The following PGPEP1 variants were observed in gnomAD, a reference collection of about 807,000 sequenced individuals.
The protein encoded by PGPEP1 is pyroglutamyl-peptidase 1.
In PGPEP1, 15 loss-of-function variants were observed where a neutral mutation model predicts 24.1. The ratio of observed to expected loss-of-function variants is 0.62; its 90% confidence interval spans 0.42 to 0.96. The LOEUF (loss-of-function observed/expected upper bound fraction) is 0.96. Ranked by LOEUF, PGPEP1 falls within the 40% of genes least tolerant of loss-of-function variation. PGPEP1 has a pLI of 0.00. For missense variants in PGPEP1, 242 were observed against 273.4 expected, an observed-to-expected ratio of 0.89 and a Z score of 0.81; for synonymous variants, 122 against 116.4, an observed-to-expected ratio of 1.05 and a Z score of -0.31.
chr19:18,351,095 A>T (rs913908814), intron 2 of PGPEP1, among the ~76,000 whole-genome samples: 6 of 152,026 alleles, frequency 3.9e-5, no homozygotes, highest in African/African-American at 1.4e-4. Context: ...AACATGGTGA[A>T]ACCCCGTCTC....
chr19:18,363,374 C>G lies in PGPEP1; in HGVS notation c.438-17C>G. The G allele has an allele frequency of 6.3e-7, 1 of 1,596,116 alleles. No individual in the cohort carries two copies. Among genetic ancestry groups the G allele is most frequent in the Non-Finnish European group, 8.6e-7 (1 of 1,165,096 alleles). ...CCGTTTTGGTCTCTCTCTTACCCGCCACGCCCTGCGGCTTAGATATCTCTG... is the reference window on the plus strand; with the variant it reads ...CCGTTTTGGTCTCTCTCTTACCCGCGACGCCCTGCGGCTTAGATATCTCTG... On this transcript the variant is annotated splice_polypyrimidine_tract_variant and intron_variant, in intron 4 of 4. Coordinates refer to ENST00000269919, the MANE Select transcript of PGPEP1 (RefSeq NM_017712.4).
At position 18,356,064 on chromosome 19, in the gene PGPEP1, C is replaced by G. The variant is rs997417936; in HGVS notation, c.204+53C>G. 8.1e-6 allele frequency: 9 copies of G among 1,107,386 alleles called. No homozygotes were observed. The South Asian group carries it at 8.7e-5, about 11-fold the overall frequency. 68.6% of individuals were successfully genotyped at this position (1,107,386 alleles called of 1,614,324 possible). ...CTCATCAGGACTTACAGGTTGGCAC[C>G]CTTCATGTGGAGGACTTAGGTGGCT... On this transcript the variant is annotated intron_variant, in intron 3 of 4. Transcript: ENST00000269919.
At position 18,340,600 on chromosome 19, in the gene PGPEP1, C is replaced by G; in HGVS notation, c.-82C>G. The G allele has an allele frequency of 7.4e-7, 1 of 1,355,982 alleles. No homozygotes were observed. Among genetic ancestry groups the G allele is most frequent in the South Asian group, 1.4e-5 (1 of 72,882 alleles). The allele number at this position is 1,355,982 out of a possible 1,614,324, so 84.0% of individuals were successfully genotyped here. On this transcript the variant is annotated 5_prime_UTR_variant, in exon 1 of 5. Coordinates refer to ENST00000269919, the MANE Select transcript of PGPEP1 (RefSeq NM_017712.4). ...CGGGGGCTTGACAGGGGCGTGGCCT[C>G]GCGCGGCCGAGAGGCTGCAGCGGCA... is the stretch of plus-strand genomic sequence containing the variant.
chr19:18,350,743 G>T (rs763127107), intron 2 of PGPEP1, among the ~76,000 whole-genome samples: 1 of 152,336 alleles, frequency 6.6e-6, no homozygotes, highest in Non-Finnish European at 1.5e-5. Context: ...ATAGACTGCT[G>T]AGTGGAGCAA....
Position 18,365,800 on chromosome 19 carries a change from T to C in PGPEP1, c.*2217T>C, listed in dbSNP as rs1439893420. 6.6e-6 allele frequency: 1 copy of C among 152,286 alleles called. No homozygotes were observed. The highest frequency in any genetic ancestry group is 2.4e-5 in the African/African-American group (1 of 41,460). The allele number at this position is 152,286 out of a possible 1,614,324, so 9.4% of individuals were successfully genotyped here. ...TTCTGTGAAACACATTTTCCAAGTC[T>C]TGGGCTTTCTCTGGAGGGGAAGGTG... On this transcript the variant is annotated 3_prime_UTR_variant, in exon 5 of 5. Transcript: ENST00000269919.
chr19:18,362,488 G>T (rs1159244724), intron 4 of PGPEP1, among the ~76,000 whole-genome samples: 1 of 152,120 alleles, frequency 6.6e-6, no homozygotes, highest in Admixed American at 6.6e-5. Context: ...CACTTTGGGA[G>T]GCTGAGGTAG....
chr19:18,356,129 T>A, intron 3 of PGPEP1, 118 bp downstream of exon 3: 1 of 690,566 alleles, frequency 1.4e-6, no homozygotes, highest in Non-Finnish European at 2.7e-6. Flanking sequence ...CCATACAGCC[T>A]TGTCCTCAAA....
At chr19:18,350,178 G>A (rs1030452549) in intron 2 of PGPEP1, among the ~76,000 whole-genome samples, 1 of 152,020 alleles carries the variant, frequency 6.6e-6, no homozygotes, top group African/African-American at 2.4e-5. Flanking sequence ...GCGACACCAC[G>A]CCTGGCTAAT....
intron 4 of PGPEP1, among the ~76,000 whole-genome samples, chr19:18,358,836 G>A (rs983475237): frequency 6.6e-6 from 1 of 151,766 alleles, no homozygotes; most frequent in African/African-American, 2.4e-5. Flanking sequence ...GGCTGGTCTC[G>A]AACTCCCGAT....
Position 18,366,291 on chromosome 19 carries a change from TA to T in PGPEP1, c.*2711del, listed in dbSNP as rs1466922119. 2.6e-5 allele frequency: 4 copies of T among 152,176 alleles called. No homozygotes were observed. Among genetic ancestry groups the T allele is most frequent in the Non-Finnish European group, 4.4e-5 (3 of 68,052 alleles). 9.4% of individuals were successfully genotyped at this position (152,176 alleles called of 1,614,324 possible). A position where few individuals can be genotyped will look rare whatever the true frequency, so the allele number is the denominator to read the frequency against. ...TTTGTCTTCATTTCACCTCTGTGTTTAAAGCACTGTGTGACATAGCTCCTTA... is the reference window on the plus strand; with the variant it reads ...TTTGTCTTCATTTCACCTCTGTGTTTAAGCACTGTGTGACATAGCTCCTTA... On this transcript the variant is annotated 3_prime_UTR_variant, in exon 5 of 5. Transcript: ENST00000269919.
chr19:18,353,900 G>T (rs1447163397), intron 2 of PGPEP1, among the ~76,000 whole-genome samples: 9 of 152,136 alleles, frequency 5.9e-5, no homozygotes, highest in Admixed American at 6.6e-5. Flanking sequence ...ATGGGCATTT[G>T]TGCTATTTCT....
chr19:18,362,897 G>C (rs1971383158), intron 4 of PGPEP1, among the ~76,000 whole-genome samples: 2 of 152,020 alleles, frequency 1.3e-5, no homozygotes, highest in Non-Finnish European at 2.9e-5. Context: ...GTAAAGTCTG[G>C]GTGATTATAA....
chr19:18,356,857 G>T (rs979580923), intron 3 of PGPEP1, among the ~76,000 whole-genome samples: 1 of 152,122 alleles, frequency 6.6e-6, no homozygotes, highest in Non-Finnish European at 1.5e-5. Flanking sequence ...TGGCCAATAT[G>T]GTGAAACCCT....
Position 18,361,251 on chromosome 19 carries a change from C to T in PGPEP1, c.438-2140C>T, listed in dbSNP as rs184327534. ...CTCCCAGGTTCAAGTGATTCTCCTG[C>T]CTCAGCCTCCCAAGTAGCTGGGACT... On this transcript the variant is annotated intron_variant, in intron 4 of 4. Coordinates refer to ENST00000269919, the MANE Select transcript of PGPEP1 (RefSeq NM_017712.4). Among the ~76,000 whole-genome samples, 1,042 of 152,198 alleles carry T rather than the reference C, an allele frequency of 6.8e-3. 5 individuals are homozygous for T. The highest frequency in any genetic ancestry group is 0.027 in the Middle Eastern group (8 of 294).
chr19:18,341,354 A>G (rs898558384), intron 1 of PGPEP1, among the ~76,000 whole-genome samples: 2 of 148,164 alleles, frequency 1.3e-5, no homozygotes, highest in African/African-American at 5.0e-5. Context: ...GCTGTCACCG[A>G]CTCCCCCCCA....
intron 2 of PGPEP1, among the ~76,000 whole-genome samples, chr19:18,355,634 A>G (rs913485329): frequency 6.6e-6 from 1 of 152,214 alleles, no homozygotes; most frequent in Admixed American, 6.6e-5. Context: ...GCCCAAGGTC[A>G]CACAGGCAGG....
chr19:18,340,605 G>A lies in PGPEP1; in HGVS notation c.-77G>A, dbSNP rs1441743092. 6 of 1,366,036 alleles carry A rather than the reference G, an allele frequency of 4.4e-6. No homozygotes were observed. The East Asian group carries it at 1.2e-4, about 28-fold the overall frequency. 84.6% of individuals were successfully genotyped at this position (1,366,036 alleles called of 1,614,324 possible). ...GCTTGACAGGGGCGTGGCCTCGCGC[G>A]GCCGAGAGGCTGCAGCGGCAGCAGC... On this transcript the variant is annotated 5_prime_UTR_variant, in exon 1 of 5. Transcript: ENST00000269919.
Position 18,364,131 on chromosome 19 carries a change from G to GCTTTCTTTCTTT in PGPEP1, c.*559_*560insTCTTTCTTTCTT, listed in dbSNP as rs1010613308. On this transcript the variant is annotated 3_prime_UTR_variant, in exon 5 of 5. Coordinates refer to ENST00000269919, the MANE Select transcript of PGPEP1 (RefSeq NM_017712.4). Reference sequence around the variant, plus strand: ...TTCTTTCTTGCTTTCTTTCTTTCTTGCTTTCTTTCTTCTCTCTCTCTCTTT... The same window carrying GCTTTCTTTCTTT: ...TTCTTTCTTGCTTTCTTTCTTTCTTGCTTTCTTTCTTTCTTTCTTTCTTCTCTCTCTCTCTTT... 1 of 80,304 alleles carries GCTTTCTTTCTTT rather than the reference G, an allele frequency of 1.2e-5. No homozygotes were observed. Among genetic ancestry groups the GCTTTCTTTCTTT allele is most frequent in the Non-Finnish European group, 2.4e-5 (1 of 41,762 alleles). The allele number at this position is 80,304 out of a possible 1,614,324, so 5.0% of individuals were successfully genotyped here. A position where few individuals can be genotyped will look rare whatever the true frequency, so the allele number is the denominator to read the frequency against.
At chr19:18,360,106 G>C (rs1319870252) in intron 4 of PGPEP1, among the ~76,000 whole-genome samples, 1 of 151,654 alleles carries the variant, frequency 6.6e-6, no homozygotes, top group African/African-American at 2.4e-5. Context: ...CTGGGATTAA[G>C]TGATCCCCCG....
Sources: allele counts gnomAD v4.1 joint callset (sites outside exome capture counted in the v4.1 genomes callset), GRCh38; gene constraint gnomAD v4.1.1; transcripts MANE v1.5; gene names NCBI Gene and HGNC (gene_info 2026-07-23, HGNC 2026-07-21).